Variants in CLEC16A observed in about 807,000 individuals in gnomAD.
CLEC16A encodes the protein C-type lectin domain containing 16A.
Under a neutral mutation model 109.5 loss-of-function variants are expected in CLEC16A, and 51 were observed. The observed-to-expected ratio is 0.47, with a 90% CI of 0.37 to 0.59. The LOEUF (loss-of-function observed/expected upper bound fraction) is 0.59. Among genes scored for constraint, CLEC16A ranks in the 20% least tolerant of loss-of-function variants. The probability of loss-of-function intolerance (pLI) is 0.00; values close to 1 mark genes in which losing one functional copy is unlikely to be tolerated. For missense variants in CLEC16A, 1,339 were observed against 1,394.0 expected, an observed-to-expected ratio of 0.96 and a Z score of 0.63; for synonymous variants, 673 against 564.2, an observed-to-expected ratio of 1.19 and a Z score of -2.73.
intron 1 of CLEC16A, among the ~76,000 whole-genome samples, chr16:10,949,251 A>G (rs1239300313): frequency 6.6e-6 from 1 of 152,012 alleles, no homozygotes; most frequent in Non-Finnish European, 1.5e-5. Context: ...TGCCATGTTG[A>G]TTTTCTTAAA....
At chr16:11,021,567 G>T (rs527673855) in intron 12 of CLEC16A, among the ~76,000 whole-genome samples, 5 of 152,208 alleles carry the variant, frequency 3.3e-5, no homozygotes, top group South Asian at 2.1e-4. Flanking sequence ...GGAGGCCAAG[G>T]GGGGAGGATC....
chr16:11,170,430 G>C (rs1198875583), intron 23 of CLEC16A, among the ~76,000 whole-genome samples: 1 of 152,214 alleles, frequency 6.6e-6, no homozygotes, highest in Non-Finnish European at 1.5e-5. Flanking sequence ...CCTCCAGCCT[G>C]CGTCCAGCTC....
chr16:10,973,744 G>A (rs1022708591), intron 7 of CLEC16A, among the ~76,000 whole-genome samples: 1 of 151,300 alleles, frequency 6.6e-6, no homozygotes, highest in African/African-American at 2.4e-5. Flanking sequence ...TAATTTTTTT[G>A]ATTTTTAGTA....
At position 10,954,067 on chromosome 16, in the gene CLEC16A, G is replaced by T. The variant is rs2041869950; in HGVS notation, c.81-3715G>T. On this transcript the variant is annotated intron_variant, in intron 1 of 23. Coordinates refer to ENST00000409790, the MANE Select transcript of CLEC16A (RefSeq NM_015226.3). This position sits in a 1 kb window ranked among gnomAD's most constrained non-coding sequence, Gnocchi z 4.2. ...ATAAACATATATGAACAGGCACCCG[G>T]TTTCACTACTGGAAGAAAGCCCCCA... Among the ~76,000 whole-genome samples, 2 of 152,114 alleles carry T rather than the reference G, an allele frequency of 1.3e-5. No homozygotes were observed. The highest frequency in any genetic ancestry group is 4.8e-5 in the African/African-American group (2 of 41,424).
intron 22 of CLEC16A, among the ~76,000 whole-genome samples, chr16:11,162,680 C>A (rs2054765875): frequency 6.6e-6 from 1 of 152,160 alleles, no homozygotes; most frequent in Non-Finnish European, 1.5e-5. Flanking sequence ...GCATTTCCCC[C>A]AACACTTAGT....
chr16:11,151,459 G>A lies in CLEC16A; in HGVS notation c.2642-14929G>A, dbSNP rs542876253. On this transcript the variant is annotated intron_variant, in intron 22 of 23. Transcript: ENST00000409790. ...TGAAGTCCTCTGCACATATGTGTGC[G>A]CCTCTGCCAGCATGTGCACAGGCAT... Among the ~76,000 whole-genome samples the A allele has an allele frequency of 5.3e-5, 8 of 152,330 alleles. No homozygotes were observed. The South Asian group carries it at 6.2e-4, about 12-fold the overall frequency.
intron 8 of CLEC16A, among the ~76,000 whole-genome samples, chr16:10,978,118 CAG>C (rs2043122914): frequency 6.6e-6 from 1 of 152,346 alleles, no homozygotes; most frequent in Admixed American, 6.5e-5. Flanking sequence ...GGAGCACACT[CAG>C]GGAACGGTCC....
intron 11 of CLEC16A, among the ~76,000 whole-genome samples, chr16:11,007,998 A>G (rs1005931450): frequency 6.6e-6 from 1 of 152,114 alleles, no homozygotes; most frequent in Non-Finnish European, 1.5e-5. Flanking sequence ...TCTCAACTCA[A>G]TCTCCTGCTG....
At chr16:11,108,377 C>A (rs2051352357) in intron 19 of CLEC16A, among the ~76,000 whole-genome samples, 1 of 152,248 alleles carries the variant, frequency 6.6e-6, no homozygotes, top group Non-Finnish European at 1.5e-5. Flanking sequence ...CAAGGCAGTC[C>A]AGGAGCATGG....
intron 11 of CLEC16A, among the ~76,000 whole-genome samples, chr16:11,012,594 C>CAAAAAAAAAAAAAAAAAA (rs551902895): frequency 1.5e-5 from 1 of 67,940 alleles, no homozygotes; most frequent in African/African-American, 4.5e-5. Context: ...GACTCCGTCT[C>CAAAAAAAAAAAAAAAAAA]AAAAAAAAAA....
intron 12 of CLEC16A, among the ~76,000 whole-genome samples, chr16:11,020,724 AAC>A (rs748944039): frequency 3.9e-5 from 6 of 152,212 alleles, no homozygotes; most frequent in Non-Finnish European, 7.4e-5. Flanking sequence ...TGCACACACA[AAC>A]ACATACCCCA....
At chr16:11,073,196 G>A (rs1439563835) in intron 19 of CLEC16A, among the ~76,000 whole-genome samples, 1 of 152,214 alleles carries the variant, frequency 6.6e-6, no homozygotes, top group African/African-American at 2.4e-5. Context: ...ACTTTGGCCT[G>A]TTCTCTGCCC....
rs563921426 is a variant in CLEC16A at position 11,133,894 on chromosome 16, G to A, written c.2641+7748G>A. Among the ~76,000 whole-genome samples, 4 of 152,268 alleles carry A rather than the reference G, an allele frequency of 2.6e-5. No homozygotes were observed. In the South Asian group the frequency reaches 8.3e-4, roughly 32 times the overall value. On this transcript the variant is annotated intron_variant, in intron 22 of 23. Coordinates refer to ENST00000409790, the MANE Select transcript of CLEC16A (RefSeq NM_015226.3). ...TTCAGCTCACTGCTTAGAGACTTGG[G>A]CCAGCAGGTTAGTGAGGCGGGTCCG...
chr16:10,982,789 G>T lies in CLEC16A; in HGVS notation c.958-89G>T, dbSNP rs2043397833. ...TGCTGCTTAATACAGGACTTAGGTA[G>T]CCCAGCCTGGTCGCTTCTGATCCAG... On this transcript the variant is annotated intron_variant, in intron 9 of 23. Coordinates refer to ENST00000409790, the MANE Select transcript of CLEC16A (RefSeq NM_015226.3). 9.6e-6 allele frequency: 7 copies of T among 729,922 alleles called. No individual in the cohort carries two copies. The South Asian group carries it at 9.6e-5, about 10-fold the overall frequency. 45.2% of individuals were successfully genotyped at this position (729,922 alleles called of 1,614,324 possible).
chr16:11,166,315 G>C, intron 22 of CLEC16A, 73 bp from the exon 23 acceptor site: 1 of 1,485,352 alleles, frequency 6.7e-7, no homozygotes, highest in Non-Finnish European at 9.0e-7. Flanking sequence ...GGGTTGTTCA[G>C]TGGAACCATG....
chr16:10,973,722 A>T (rs541941885), intron 7 of CLEC16A, among the ~76,000 whole-genome samples: 1 of 151,112 alleles, frequency 6.6e-6, no homozygotes, highest in African/African-American at 2.4e-5. Flanking sequence ...GGCCTGTGCC[A>T]CCATGCCCAG....
intron 20 of CLEC16A, among the ~76,000 whole-genome samples, chr16:11,123,394 T>C (rs1480759490): frequency 6.6e-6 from 1 of 152,216 alleles, no homozygotes; most frequent in Non-Finnish European, 1.5e-5. Flanking sequence ...TTCTCAGAAG[T>C]AAGAGTTTGC....
intron 13 of CLEC16A, chr16:11,026,938 C>T (rs117054163): frequency 2.2e-5 from 25 of 1,152,084 alleles, no homozygotes; most frequent in Middle Eastern, 5.8e-4. Flanking sequence ...CTAGAACAGA[C>T]GTCTCTATGG....
intron 22 of CLEC16A, among the ~76,000 whole-genome samples, chr16:11,134,297 A>C (rs2053431218): frequency 6.6e-6 from 1 of 152,074 alleles, no homozygotes; most frequent in South Asian, 2.1e-4. Flanking sequence ...TTTAGACAGA[A>C]AAATTTGTAT....
Sources: allele counts gnomAD v4.1 joint callset (sites outside exome capture counted in the v4.1 genomes callset), GRCh38; gene constraint gnomAD v4.1.1; non-coding constraint Gnocchi (gnomAD v3.1); transcripts MANE v1.5; gene names NCBI Gene and HGNC (gene_info 2026-07-23, HGNC 2026-07-21).